SSH1: variants seen among roughly 807,000 people sequenced by gnomAD.
SSH1 encodes slingshot protein phosphatase 1.
In SSH1, 43 loss-of-function variants were observed where a neutral mutation model predicts 79.7. That is an observed-to-expected ratio of 0.54 (90% confidence interval 0.42 to 0.70). The LOEUF (loss-of-function observed/expected upper bound fraction) is 0.70, where lower values mean the gene tolerates loss of function less well. SSH1 is among the 30% of genes least tolerant of loss of function. SSH1 has a pLI of 0.00. For missense variants in SSH1, 1,206 were observed against 1,358.8 expected, an observed-to-expected ratio of 0.89 and a Z score of 1.77; for synonymous variants, 599 against 538.3, an observed-to-expected ratio of 1.11 and a Z score of -1.56.
chr12:108,820,792 A>T (rs2038088939), intron 3 of SSH1, among the ~76,000 whole-genome samples: 1 of 152,180 alleles, frequency 6.6e-6, no homozygotes, highest in Non-Finnish European at 1.5e-5. Flanking sequence ...TTCTAGGGAA[A>T]AAAAGGAACT....
chr12:108,801,923 G>A lies in SSH1; in HGVS notation c.1001+399C>T, dbSNP rs564688139. On this transcript the variant is annotated intron_variant, in intron 11 of 14. Coordinates refer to ENST00000326495, the MANE Select transcript of SSH1 (RefSeq NM_018984.4). ...CAGATAGAGCCCAAAGTGGCCCAGG[G>A]ATCAGGGTTGCTGACTAACGCAACA... is the stretch of plus-strand genomic sequence containing the variant. Among the ~76,000 whole-genome samples, 10 of 152,158 alleles carry A rather than the reference G, an allele frequency of 6.6e-5. 1 individual carries two copies. Among genetic ancestry groups the A allele is most frequent in the Non-Finnish European group, 1.0e-4 (7 of 68,034 alleles).
At chr12:108,817,963 G>A (rs776111339) in intron 4 of SSH1, among the ~76,000 whole-genome samples, 3 of 152,190 alleles carry the variant, frequency 2.0e-5, no homozygotes, top group Non-Finnish European at 4.4e-5. Context: ...ACTTTGGGAG[G>A]CAGAGGCAGG....
chr12:108,794,182 C>T (rs11834759), intron 13 of SSH1, among the ~76,000 whole-genome samples: 3,825 of 152,332 alleles, frequency 0.025, 160 homozygotes, highest in African/African-American at 0.088. Context: ...CCTTCCAACA[C>T]CAGACTGATA....
chr12:108,803,864 G>T (rs1223621127), intron 10 of SSH1, among the ~76,000 whole-genome samples: 3 of 152,068 alleles, frequency 2.0e-5, no homozygotes, highest in African/African-American at 7.2e-5. Flanking sequence ...ATACAGAAAT[G>T]TATTAAAAAA....
chr12:108,797,757 G>A (rs1294541443), intron 13 of SSH1, among the ~76,000 whole-genome samples: 1 of 152,156 alleles, frequency 6.6e-6, no homozygotes, highest in Non-Finnish European at 1.5e-5. Flanking sequence ...GCTGAGGGCT[G>A]CTTTCATCAC....
At chr12:108,806,450 G>T in intron 8 of SSH1, 56 bp from the exon 9 acceptor site, 1 of 1,530,996 alleles carries the variant, frequency 6.5e-7, no homozygotes. Flanking sequence ...TGTGGTCGGA[G>T]GTTACAGGAA....
Position 108,787,995 on chromosome 12 carries a change from T to G in SSH1, c.3143A>C (p.Lys1048Thr), listed in dbSNP as rs755429242. 2 of 1,614,162 alleles carry G rather than the reference T, an allele frequency of 1.2e-6. No individual in the cohort carries two copies. The highest frequency in any genetic ancestry group is 1.1e-5 in the South Asian group (1 of 91,072). ...GACGCAGCAAAAGGCGGGTCAGCTT[T>G]TGCTCATCCACGAAGGGCTCTTTAA... ...ENLKSPSWMS[K>T]S Residue 1048 changes from lysine (K) to threonine (T), a missense_variant, in exon 15 of 15, where the codon AAA becomes ACA. Transcript: ENST00000326495.
intron 2 of SSH1, among the ~76,000 whole-genome samples, chr12:108,828,925 AG>A (rs2038402122): frequency 6.6e-6 from 1 of 152,224 alleles, no homozygotes; most frequent in Admixed American, 6.5e-5. Flanking sequence ...CTGCAGGGTA[AG>A]GTATTTTCTC....
At chr12:108,856,838 C>A (rs899443016) in intron 1 of SSH1, among the ~76,000 whole-genome samples, 1 of 152,236 alleles carries the variant, frequency 6.6e-6, no homozygotes, top group Non-Finnish European at 1.5e-5. Flanking sequence ...CAGCGGCTCA[C>A]GCAGTCACCC....
intron 1 of SSH1, 70 bp from the exon 2 acceptor site, chr12:108,852,748 A>G (rs2039069802): frequency 2.5e-6 from 4 of 1,611,382 alleles, no homozygotes; most frequent in African/African-American, 2.7e-5. Context: ...GCAGTCTCAC[A>G]TTTTCTACCC....
At chr12:108,815,289 C>A (rs1234243356) in intron 5 of SSH1, among the ~76,000 whole-genome samples, 1 of 152,162 alleles carries the variant, frequency 6.6e-6, no homozygotes, top group Non-Finnish European at 1.5e-5. Context: ...ACTACCCACC[C>A]CAGGGGGATG....
chr12:108,811,185 A>G lies in SSH1; in HGVS notation c.470+75T>C, dbSNP rs1474932116. 3 of 1,341,112 alleles carry G rather than the reference A, an allele frequency of 2.2e-6. No individual in the cohort carries two copies. In the Admixed American group the frequency reaches 5.0e-5, roughly 23 times the overall value. The allele number at this position is 1,341,112 out of a possible 1,614,324, so 83.1% of individuals were successfully genotyped here. A position where few individuals can be genotyped will look rare whatever the true frequency, so the allele number is the denominator to read the frequency against. On this transcript the variant is annotated intron_variant, in intron 6 of 14. Transcript: ENST00000326495. ...GTCATTCAGTGCTAATGATCATCCA[A>G]GGATGCCTGAACCAGCTCGTGTTTT...
intron 2 of SSH1, among the ~76,000 whole-genome samples, chr12:108,847,751 C>A (rs758808173): frequency 4.6e-5 from 7 of 152,158 alleles, no homozygotes; most frequent in Non-Finnish European, 7.3e-5. Flanking sequence ...AGCCACCGTG[C>A]CCAGCCATTT....
rs567959310 is a variant in SSH1, at chr12:108,806,214, T to C, written c.825+87A>G. ...AGGACAGGTAAAGACAACCAGATGTTGGGCCTGCTTTTGCTGCACTTTCGG... is the reference window on the plus strand; with the variant it reads ...AGGACAGGTAAAGACAACCAGATGTCGGGCCTGCTTTTGCTGCACTTTCGG... On this transcript the variant is annotated intron_variant, in intron 9 of 14. Coordinates refer to ENST00000326495, the MANE Select transcript of SSH1 (RefSeq NM_018984.4). The C allele has an allele frequency of 3.0e-4, 381 of 1,267,162 alleles. 2 individuals carry two copies. In the South Asian group the frequency reaches 4.3e-3, roughly 14 times the overall value. 78.5% of individuals were successfully genotyped at this position (1,267,162 alleles called of 1,614,324 possible).
chr12:108,851,861 GATT>G (rs2039045972), intron 2 of SSH1, among the ~76,000 whole-genome samples: 1 of 152,032 alleles, frequency 6.6e-6, no homozygotes, highest in Admixed American at 6.6e-5. Flanking sequence ...AGAGTGTCAT[GATT>G]ATTACTTTTT....
In SSH1 at chr12:108,852,461, A is replaced by T. The variant is rs984500289; in HGVS notation, c.110+177T>A. Among the ~76,000 whole-genome samples the T allele has an allele frequency of 3.3e-5, 5 of 151,800 alleles. No homozygotes were observed. The East Asian group carries it at 7.8e-4, about 24-fold the overall frequency. On this transcript the variant is annotated intron_variant, in intron 2 of 14. Transcript: ENST00000326495. ...TGGCCAGGATGGTCTCGATCTCCTG[A>T]CCTTGTGATCCACCCGCCTCAGCCT... is the stretch of plus-strand genomic sequence containing the variant.
intron 5 of SSH1, 73 bp from the exon 6 acceptor site, chr12:108,811,401 C>T: frequency 7.0e-7 from 1 of 1,434,684 alleles, no homozygotes; most frequent in Non-Finnish European, 9.8e-7. Flanking sequence ...CAGCTCACCA[C>T]CTGGTCCAGG....
In SSH1 at chr12:108,811,249, G is replaced by C. The variant is rs1401989982; in HGVS notation, c.470+11C>G. On this transcript the variant is annotated intron_variant, in intron 6 of 14. Transcript: ENST00000326495. ...ATACAGTGAGAGAATCTTTTAAAGA[G>C]ACCTCCTTACCCATCTCCATCAAGG... 6.2e-7 allele frequency: 1 copy of C among 1,613,688 alleles called. No homozygotes were observed.
At chr12:108,827,420 G>A in intron 2 of SSH1, 1 of 1,378,160 alleles carries the variant, frequency 7.3e-7, no homozygotes, top group African/African-American at 1.5e-5. Flanking sequence ...TCCCTATGGA[G>A]ATCAGGAAAA....
Sources: allele counts gnomAD v4.1 joint callset (sites outside exome capture counted in the v4.1 genomes callset), GRCh38; gene constraint gnomAD v4.1.1; transcripts MANE v1.5; gene names NCBI Gene and HGNC (gene_info 2026-07-23, HGNC 2026-07-21).